The following SHANK1 variants were observed in gnomAD, a reference collection of about 807,000 sequenced individuals.
The protein encoded by SHANK1 is SH3 and multiple ankyrin repeat domains 1, also known as SH3 and multiple ankyrin repeat domains protein 1.
In SHANK1, 35 loss-of-function variants were observed where a neutral mutation model predicts 165.6. The observed-to-expected ratio is 0.21, with a 90% CI of 0.16 to 0.28. SHANK1 has a LOEUF of 0.28. Among genes scored for constraint, SHANK1 ranks in the 10% least tolerant of loss-of-function variants. The pLI, the probability that SHANK1 is intolerant of heterozygous loss-of-function variation, is 1.00. For synonymous variants in SHANK1, 1,428 were observed against 1,384.8 expected, an observed-to-expected ratio of 1.03 and a Z score of -0.69; for missense variants, 2,681 against 3,036.4, an observed-to-expected ratio of 0.88 and a Z score of 2.75.
chr19:50,682,952 A>G (rs1181493214), intron 21 of SHANK1, among the ~76,000 whole-genome samples: 1 of 152,130 alleles, frequency 6.6e-6, no homozygotes, highest in African/African-American at 2.4e-5. Context: ...CAGCCCCCAG[A>G]GTAGCTAGGA....
In SHANK1 at chr19:50,662,345, G is replaced by A. The variant is rs764924872; in HGVS notation, c.6106C>T (p.Arg2036Cys). 39 of 1,600,956 alleles carry A rather than the reference G, an allele frequency of 2.4e-5. No individual in the cohort carries two copies. Among genetic ancestry groups the A allele is most frequent in the Admixed American group, 2.0e-4 (12 of 58,638 alleles). Residue 2036 changes from arginine (R) to cysteine (C), a missense_variant, in exon 24 of 24, where the codon CGT becomes TGT. This residue lies in a region of SHANK1 where 1,713 missense variants were observed against 1,630.2 expected (regional missense o/e 1.05). Transcript: ENST00000293441. The surrounding 1 kb of genome is among the most constrained non-coding windows in gnomAD (Gnocchi z 7.7). ...GPLYPGLFDI[R>C]GSPTGGAGGS... ...CCTGCCCCTCCAGTTGGGGAGCCAC[G>A]GATGTCAAAGAGGCCTGGGTAGAGG...
At chr19:50,680,646 A>G (rs1986147245) in intron 21 of SHANK1, among the ~76,000 whole-genome samples, 1 of 149,306 alleles carries the variant, frequency 6.7e-6, no homozygotes, top group Non-Finnish European at 1.5e-5. Flanking sequence ...AAGTCCTTAG[A>G]TAGTGGCATC....
intron 12 of SHANK1, among the ~76,000 whole-genome samples, chr19:50,701,695 A>G (rs1986920144): frequency 6.6e-6 from 1 of 152,138 alleles, no homozygotes. Context: ...CTCAACCTCT[A>G]TACCGCTCAG....
intron 15 of SHANK1, among the ~76,000 whole-genome samples, chr19:50,692,459 A>G (rs1177591572): frequency 6.8e-6 from 1 of 146,082 alleles, no homozygotes; most frequent in Non-Finnish European, 1.5e-5. Context: ...TTCACCAGAT[A>G]TATATATATA....
At position 50,697,853 on chromosome 19, in the gene SHANK1, CT is replaced by C; in HGVS notation, c.1850del (p.Glu617GlyfsTer31). 1 of 1,613,666 alleles carries C rather than the reference CT, an allele frequency of 6.2e-7. No homozygotes were observed. Among genetic ancestry groups the C allele is most frequent in the Non-Finnish European group, 8.5e-7 (1 of 1,179,750 alleles). Reference protein sequence around the residue: ...CLEEVANRSQESKQESRSDKA... With the variant: ...CLEEVANRSQXSKQESRSDKA... ...GGGGTTCCGCATTACCTTGCTTGCT[CT>C]CCTGAGAGCGATTCGCCACTTCTTC... On this transcript the variant is annotated frameshift_variant, in exon 13 of 24. Transcript: ENST00000293441. LOFTEE classifies it high-confidence loss of function. This position sits in a 1 kb window ranked among gnomAD's most constrained non-coding sequence, Gnocchi z 4.7.
Position 50,668,388 on chromosome 19 carries a change from C to G in SHANK1, c.3572G>C (p.Gly1191Ala). ...PPTQPEPTGG[G>A]GGGGSSPSPA... ...GCTGGGCGAGGAGCCGCCGCCGCCG[C>G]CGCCTCCCGTGGGCTCCGGCTGGGT... The change falls in exon 23 of 24, where the codon GGC becomes GCC. Residue 1191 changes from glycine to alanine, a missense_variant. Gly to Ala is a moderately conservative substitution (Grantham distance 60). Around this residue, in one of 10 missense-constraint regions of SHANK1, gnomAD observed 1,713 missense variants for 1,630.2 expected, o/e 1.05. Transcript: ENST00000293441. The G allele has an allele frequency of 7.7e-7, 1 of 1,306,712 alleles. No individual in the cohort carries two copies. Among genetic ancestry groups the G allele is most frequent in the Non-Finnish European group, 9.8e-7 (1 of 1,025,550 alleles). The allele number at this position is 1,306,712 out of a possible 1,614,324, so 80.9% of individuals were successfully genotyped here.
chr19:50,711,299 G>T, intron 8 of SHANK1, 72 bp downstream of exon 8: 1 of 954,720 alleles, frequency 1.0e-6, no homozygotes, highest in Non-Finnish European at 1.6e-6. Context: ...CAAGAGGAGT[G>T]TCTGAGCTTG....
rs1985170077 is a variant in SHANK1, at chr19:50,660,714, G to A, written c.*1251C>T. Among the ~76,000 whole-genome samples, 1 of 96,742 alleles carries A rather than the reference G, an allele frequency of 1.0e-5. No individual in the cohort carries two copies. Among genetic ancestry groups the A allele is most frequent in the African/African-American group, 5.8e-5 (1 of 17,236 alleles). 63.5% of individuals were successfully genotyped at this position (96,742 alleles called of 152,430 possible). On this transcript the variant is annotated 3_prime_UTR_variant, in exon 24 of 24. Transcript: ENST00000293441. ...AGAAACAAGGCTTCCGGAGAGCACT[G>A]AAAATGCTGGGGGGGGGGGCGCGTG...
chr19:50,684,624 C>T (rs553667083), intron 21 of SHANK1, among the ~76,000 whole-genome samples: 41 of 152,268 alleles, frequency 2.7e-4, no homozygotes, highest in African/African-American at 9.9e-4. Context: ...AAAAAAAATC[C>T]TATGTCTTCA....
chr19:50,667,227 T>C lies in SHANK1; in HGVS notation c.4733A>G (p.Glu1578Gly), dbSNP rs1463484787. 1 of 1,586,516 alleles carries C rather than the reference T, an allele frequency of 6.3e-7. No individual in the cohort carries two copies. The highest frequency in any genetic ancestry group is 8.5e-7 in the Non-Finnish European group (1 of 1,174,090). Residue 1578 changes from glutamate to glycine, a missense_variant, in exon 23 of 24, where the codon GAA becomes GGA. Transcript: ENST00000293441. The surrounding 1 kb of genome is among the most constrained non-coding windows in gnomAD (Gnocchi z 5.7). ...PPPLEFSNSF[E>G]KPESPLTPGP... Reference sequence around the variant, plus strand: ...AGGCGTGAGGGGCGACTCTGGCTTTTCGAAGCTGTTGGAGAATTCCAGAGG... The same window carrying C: ...AGGCGTGAGGGGCGACTCTGGCTTTCCGAAGCTGTTGGAGAATTCCAGAGG...
At chr19:50,711,115 T>C in intron 8 of SHANK1, 2 of 485,500 alleles carry the variant, frequency 4.1e-6, no homozygotes, top group South Asian at 5.0e-5. Context: ...TGCTAGGCCA[T>C]GAGCTCAACA....
chr19:50,717,996 C>T lies in SHANK1; in HGVS notation c.-43-1034G>A, dbSNP rs2089088324. On this transcript the variant is annotated intron_variant, in intron 1 of 23. Transcript: ENST00000293441. This position sits in a 1 kb window ranked among gnomAD's most constrained non-coding sequence, Gnocchi z 5.5. ...CCTCCCTTCTGTTCTCCCCCAACTCCCACCCCAGCACCGGAAACCAGAATG... is the reference window on the plus strand; with the variant it reads ...CCTCCCTTCTGTTCTCCCCCAACTCTCACCCCAGCACCGGAAACCAGAATG... Among the ~76,000 whole-genome samples the T allele has an allele frequency of 1.3e-5, 2 of 152,114 alleles. No homozygotes were observed. Among genetic ancestry groups the T allele is most frequent in the Non-Finnish European group, 2.9e-5 (2 of 68,018 alleles).
chr19:50,706,091 C>T (rs984604894), intron 8 of SHANK1, among the ~76,000 whole-genome samples: 1 of 139,378 alleles, frequency 7.2e-6, no homozygotes, highest in African/African-American at 2.7e-5. Context: ...CCCAAGAGGT[C>T]GAGGCTGCAA....
chr19:50,712,202 C>T (rs2089018117), intron 6 of SHANK1, 88 bp from the exon 7 acceptor site: 5 of 1,380,412 alleles, frequency 3.6e-6, no homozygotes, highest in African/African-American at 1.5e-5. Context: ...GGGACTGGAC[C>T]GTCCTGGGTG....
Position 50,667,161 on chromosome 19 carries a change from G to T in SHANK1, c.4799C>A (p.Thr1600Asn). 6.4e-7 allele frequency: 1 copy of T among 1,559,084 alleles called. No homozygotes were observed. Among genetic ancestry groups the T allele is most frequent in the Non-Finnish European group, 8.6e-7 (1 of 1,158,974 alleles). ...HPLPDTPAPA[T>N]PLPPVPPPAV... ...CGGGGGTGGCACAGGGGGTAACGGGGTGGCAGGGGCAGGTGTGTCGGGCAG... is the reference window on the plus strand; with the variant it reads ...CGGGGGTGGCACAGGGGGTAACGGGTTGGCAGGGGCAGGTGTGTCGGGCAG... The change falls in exon 23 of 24, where the codon ACC becomes AAC. Residue 1600 changes from threonine to asparagine, a missense_variant. Thr to Asn is a moderately conservative substitution (Grantham distance 65, BLOSUM62 0). Around this residue, in one of 10 missense-constraint regions of SHANK1, gnomAD observed 1,713 missense variants for 1,630.2 expected, o/e 1.05. Transcript: ENST00000293441. The surrounding 1 kb of genome is among the most constrained non-coding windows in gnomAD (Gnocchi z 5.7).
At chr19:50,715,583 G>C (rs139994929) in intron 4 of SHANK1, 76 bp downstream of exon 4, 1 of 1,291,152 alleles carries the variant, frequency 7.7e-7, no homozygotes. Context: ...GGAAGAGGTG[G>C]GGAGAGAAAG....
rs754771094 is a variant in SHANK1, at chr19:50,672,076, G to A, written c.2616C>T (p.Tyr872=). Residue 872 remains tyrosine (Y), a synonymous_variant, in exon 22 of 24, where the codon TAC becomes TAT. Transcript: ENST00000293441. ...FDPHHRAQPS[Y]ERPSFLPPGP... is the part of the protein sequence containing the mutation. ...CTGGAGGCAGGAAAGAAGGACGCTCGTAACTTGGCTGGGCACGGTGGTGGG... is the reference window on the plus strand; with the variant it reads ...CTGGAGGCAGGAAAGAAGGACGCTCATAACTTGGCTGGGCACGGTGGTGGG... 2.1e-5 allele frequency: 34 copies of A among 1,613,846 alleles called. 1 individual carries two copies. Among genetic ancestry groups the A allele is most frequent in the Middle Eastern group, 1.6e-4 (1 of 6,084 alleles).
intron 15 of SHANK1, among the ~76,000 whole-genome samples, chr19:50,692,470 TATAC>T (rs1328979200): frequency 2.7e-5 from 4 of 149,028 alleles, no homozygotes; most frequent in South Asian, 2.1e-4. Flanking sequence ...TATATATATA[TATAC>T]ACACACACAC....
rs770574518 is a variant in SHANK1 at position 50,686,847 on chromosome 19, C to G, written c.2390-35G>C. The G allele has an allele frequency of 1.1e-5, 18 of 1,608,630 alleles. No homozygotes were observed. The highest frequency in any genetic ancestry group is 2.2e-5 in the East Asian group (1 of 44,616). On this transcript the variant is annotated intron_variant, in intron 19 of 23. Transcript: ENST00000293441. The surrounding 1 kb of genome is among the most constrained non-coding windows in gnomAD (Gnocchi z 5.7). ...AAGAACACGGATGACGCCCAGGGAG[C>G]CCCCGGGGGCGGGGCGGAGCGGGCT...
Sources: gnomAD v4.1 joint callset for allele counts (sites outside exome capture counted in the v4.1 genomes callset) on GRCh38, gnomAD v4.1.1 for gene constraint, gnomAD v4.1.1 regional missense constraint, Gnocchi (gnomAD v3.1) non-coding constraint, MANE v1.5 for transcripts, NCBI Gene and HGNC (gene_info 2026-07-23, HGNC 2026-07-21) for gene names.